The following MGST1 variants were observed in gnomAD, a reference collection of about 807,000 sequenced individuals.
MGST1 encodes the protein glutathione S-transferase 12.
Under a neutral mutation model 8.9 loss-of-function variants are expected in MGST1, and 5 were observed. That is an observed-to-expected ratio of 0.56 (90% CI 0.29 to 1.19). MGST1 has a LOEUF of 1.19. Among genes scored for constraint, MGST1 ranks in the 50% most tolerant of loss-of-function variants. MGST1 has a pLI of 0.08. For missense variants in MGST1, 182 were observed against 187.4 expected (o/e 0.97, Z 0.17); for synonymous variants, 54 against 67.8 (o/e 0.80, Z 1.00).
intron 1 of MGST1, chr12:16,402,223 C>A: frequency 6.3e-7 from 1 of 1,587,134 alleles, no homozygotes; most frequent in Admixed American, 1.7e-5. Context: ...TCACAAAAGA[C>A]CATGGTAGTA....
chr12:16,405,025 A>G (rs962927955), intron 1 of MGST1, among the ~76,000 whole-genome samples: 2 of 152,180 alleles, frequency 1.3e-5, no homozygotes, highest in African/African-American at 4.8e-5. Flanking sequence ...GGACACAGCT[A>G]AGGCAGTGTT....
At chr12:16,481,156 A>G (rs748072762) in intron 4 of MGST1, among the ~76,000 whole-genome samples, 2 of 152,128 alleles carry the variant, frequency 1.3e-5, no homozygotes, top group Non-Finnish European at 2.9e-5. Context: ...AAAAGCCCTC[A>G]CTTACTGAGA....
At chr12:16,568,950 T>G (rs2137415808) in intron 4 of MGST1, among the ~76,000 whole-genome samples, 1 of 152,338 alleles carries the variant, frequency 6.6e-6, no homozygotes, top group Non-Finnish European at 1.5e-5. Context: ...AGACATTTTT[T>G]TCTAACTTGA....
At chr12:16,400,688 A>G (rs1940647365) in intron 1 of MGST1, 2 of 1,492,904 alleles carry the variant, frequency 1.3e-6, no homozygotes, top group East Asian at 2.3e-5. Context: ...ATTCCTGCCC[A>G]GAGCACTGCC....
At chr12:16,505,376 G>A (rs1249253672) in intron 4 of MGST1, among the ~76,000 whole-genome samples, 1 of 152,176 alleles carries the variant, frequency 6.6e-6, no homozygotes, top group East Asian at 1.9e-4. Context: ...AACATGTCTA[G>A]CTGAATATCC....
intron 3 of MGST1, among the ~76,000 whole-genome samples, chr12:16,374,043 A>G (rs117840731): frequency 5.3e-4 from 81 of 152,180 alleles, no homozygotes; most frequent in Non-Finnish European, 9.6e-4. Context: ...GGAAAAGTGT[A>G]TTTTTGTTTG....
At chr12:16,433,934 C>A (rs960354637) in intron 1 of MGST1, among the ~76,000 whole-genome samples, 8 of 152,036 alleles carry the variant, frequency 5.3e-5, no homozygotes, top group African/African-American at 1.9e-4. Flanking sequence ...TCAGAATATT[C>A]CTATTCATAA....
chr12:16,422,973 C>T (rs1940851387), intron 1 of MGST1, among the ~76,000 whole-genome samples: 1 of 152,112 alleles, frequency 6.6e-6, no homozygotes, highest in African/African-American at 2.4e-5. Context: ...CTCTCTGTGT[C>T]ACTCTCCAAT....
chr12:16,352,358 A>G (rs1239376487), intron 1 of MGST1, among the ~76,000 whole-genome samples: 3 of 152,200 alleles, frequency 2.0e-5, no homozygotes, highest in Non-Finnish European at 4.4e-5. Context: ...ATTGCAGCTG[A>G]TAGGTGTCAG....
At chr12:16,351,732 C>A (rs1939474592) in intron 1 of MGST1, among the ~76,000 whole-genome samples, 1 of 152,064 alleles carries the variant, frequency 6.6e-6, no homozygotes, top group Admixed American at 6.5e-5. Flanking sequence ...ATGGCTTGAA[C>A]CCAGGAGGCA....
At position 16,489,320 on chromosome 12, in the gene MGST1, C is replaced by T. The variant is rs16911973; in HGVS notation, n.483-100208C>T. Among the ~76,000 whole-genome samples the T allele has an allele frequency of 1.0e-3, 157 of 152,036 alleles. 3 individuals carry two copies. In the East Asian group the frequency reaches 0.026, roughly 25 times the overall value. On this transcript the variant is annotated intron_variant and non_coding_transcript_variant, in intron 4 of 4. Coordinates refer to the MGST1 transcript ENST00000538857. ...GATCTCTAGTTCATGTTTGCTTTTG[C>T]TGAAGTTCAGCAAGTTGGACTTGGT...
chr12:16,507,868 G>T (rs2137175677), intron 4 of MGST1, among the ~76,000 whole-genome samples: 1 of 152,184 alleles, frequency 6.6e-6, no homozygotes, highest in East Asian at 1.9e-4. Flanking sequence ...ACGAGATTTG[G>T]GTGGGGACAC....
rs1943333502 is a variant in MGST1, at chr12:16,586,697, T to A, written n.483-2831T>A. 6.6e-6 allele frequency among the ~76,000 whole-genome samples: 1 copy of A among 152,204 alleles called. No homozygotes were observed. Among genetic ancestry groups the A allele is most frequent in the African/African-American group, 2.4e-5 (1 of 41,454 alleles). On this transcript the variant is annotated intron_variant and non_coding_transcript_variant, in intron 4 of 4. Transcript: ENST00000538857. This position sits in a 1 kb window ranked among gnomAD's most constrained non-coding sequence, Gnocchi z 4.3. ...TAGAGATTTCAAGATACACATCTTT[T>A]GACCCCCCATTGCAGTAGATGATGT...
intron 4 of MGST1, among the ~76,000 whole-genome samples, chr12:16,508,342 C>T (rs181674303): frequency 1.3e-5 from 2 of 152,274 alleles, no homozygotes; most frequent in Admixed American, 6.5e-5. Context: ...TTGTTACTTC[C>T]CTCAGAGTAC....
intron 4 of MGST1, among the ~76,000 whole-genome samples, chr12:16,509,065 A>G (rs1284586500): frequency 6.6e-6 from 1 of 152,186 alleles, no homozygotes; most frequent in Admixed American, 6.5e-5. Flanking sequence ...ATGAATTATT[A>G]AAGCAATTTC....
exon 1 of MGST1, chr12:16,383,483 CG>C (rs1940476518): frequency 1.3e-5 from 2 of 150,578 alleles, no homozygotes; most frequent in Admixed American, 1.3e-4. Context: ...ATTTTTGAGA[CG>C]GAGTTTTGTT....
rs1045869094 is a variant in MGST1 at position 16,548,502 on chromosome 12, C to G, written n.483-41026C>G. On this transcript the variant is annotated intron_variant and non_coding_transcript_variant, in intron 4 of 4. Coordinates refer to the MGST1 transcript ENST00000538857. This position sits in a 1 kb window ranked among gnomAD's most constrained non-coding sequence, Gnocchi z 4.2. ...CAGGTCAACTTTTAAACTCAGCACTCTGTTGGAGTGGAGGTGCACGGTCCT... is the reference window on the plus strand; with the variant it reads ...CAGGTCAACTTTTAAACTCAGCACTGTGTTGGAGTGGAGGTGCACGGTCCT... 6.6e-6 allele frequency: 1 copy of G among 152,138 alleles called. No individual in the cohort carries two copies. Among genetic ancestry groups the G allele is most frequent in the Non-Finnish European group, 1.5e-5 (1 of 68,016 alleles). The allele number at this position is 152,138 out of a possible 1,614,324, so 9.4% of individuals were successfully genotyped here.
chr12:16,541,086 A>G (rs1379707433), intron 4 of MGST1, among the ~76,000 whole-genome samples: 1 of 152,224 alleles, frequency 6.6e-6, no homozygotes, highest in Non-Finnish European at 1.5e-5. Flanking sequence ...TCTTCATGTA[A>G]TATTTTAAAA....
chr12:16,409,712 T>A (rs1940727810), intron 1 of MGST1, among the ~76,000 whole-genome samples: 2 of 152,168 alleles, frequency 1.3e-5, no homozygotes, highest in African/African-American at 4.8e-5. Flanking sequence ...AGTCAGCCTT[T>A]AACTATTTTG....
Sources: allele counts gnomAD v4.1 joint callset (sites outside exome capture counted in the v4.1 genomes callset), GRCh38; gene constraint gnomAD v4.1.1; non-coding constraint Gnocchi (gnomAD v3.1); transcripts MANE v1.5; gene names NCBI Gene and HGNC (gene_info 2026-07-23, HGNC 2026-07-21).